EML4: variants seen among roughly 807,000 people sequenced by gnomAD.
The protein encoded by EML4 is EMAP like 4.
A neutral mutation model predicts 129.0 loss-of-function variants in EML4; 72 were observed. The observed-to-expected ratio is 0.56, with a 90% CI of 0.46 to 0.68. EML4 has a LOEUF of 0.68. EML4 is among the 30% of genes least tolerant of loss of function. The pLI, the probability that EML4 is intolerant of heterozygous loss-of-function variation, is 0.00. For synonymous variants in EML4, 532 were observed against 405.0 expected (o/e 1.31, Z -3.77); for missense variants, 1,363 against 1,190.6 (o/e 1.14, Z -2.13).
At chr2:42,303,561 G>T (rs553796328) in intron 16 of EML4, 115 bp downstream of exon 16, 125 of 1,152,124 alleles carry the variant, frequency 1.1e-4, no homozygotes, top group Admixed American at 2.8e-4. Flanking sequence ...GTAAACATAT[G>T]GTTTAGTAAT....
intron 6 of EML4, among the ~76,000 whole-genome samples, chr2:42,277,010 C>T (rs545623655): frequency 1.3e-5 from 2 of 152,234 alleles, no homozygotes; most frequent in South Asian, 4.1e-4. Flanking sequence ...ACTTGATACC[C>T]AATATGGTGT....
At chr2:42,223,212 C>A (rs1673731275) in intron 1 of EML4, among the ~76,000 whole-genome samples, 1 of 152,124 alleles carries the variant, frequency 6.6e-6, no homozygotes, top group South Asian at 2.1e-4. Context: ...CCCTCTCTCC[C>A]TGCTACATAC....
At chr2:42,182,447 C>A (rs1671003687) in intron 1 of EML4, among the ~76,000 whole-genome samples, 1 of 151,996 alleles carries the variant, frequency 6.6e-6, no homozygotes, top group Admixed American at 6.6e-5. Flanking sequence ...TTCTCATCCA[C>A]CTGGTTGTTG....
At chr2:42,325,970 C>CA (rs1344258516) in intron 20 of EML4, 184 bp from the exon 21 acceptor site, 2 of 475,006 alleles carry the variant, frequency 4.2e-6, no homozygotes, top group African/African-American at 4.2e-5. Context: ...CCATGGGAAA[C>CA]AGTTTGTAGT....
At chr2:42,221,403 C>CT (rs74816568) in intron 1 of EML4, among the ~76,000 whole-genome samples, 1,363 of 108,106 alleles carry the variant, frequency 0.013, 50 homozygotes, top group African/African-American at 0.028. Flanking sequence ...ACATGGTTTA[C>CT]TTTTTTTTTT....
Position 42,303,437 on chromosome 2 carries a change from G to C in EML4, c.1890G>C (p.Arg630Ser). Residue 630 changes from arginine to serine, a missense_variant, in exon 16 of 23, where the codon AGG (arginine) becomes AGC (serine). Arg to Ser is a moderately radical substitution (Grantham distance 110, BLOSUM62 -1). Coordinates refer to ENST00000318522, the MANE Select transcript of EML4 (RefSeq NM_019063.5). ...NSMEHRLEWT[R>S]LVDEPGHCAD... ...TGGAACACAGGCTGGAATGGACCAG[G>C]CTGGTAGATGTGAGTGAAGCAGGAT... The C allele has an allele frequency of 6.2e-7, 1 of 1,613,726 alleles. No individual in the cohort carries two copies.
At chr2:42,292,996 C>A (rs76975178) in intron 11 of EML4, among the ~76,000 whole-genome samples, 5,347 of 152,224 alleles carry the variant, frequency 0.035, 134 homozygotes, top group Middle Eastern at 0.075. Flanking sequence ...AAAGACTGTT[C>A]AGTCAATCTT....
intron 1 of EML4, among the ~76,000 whole-genome samples, chr2:42,220,801 C>G (rs191727056): frequency 8.5e-5 from 13 of 152,240 alleles, no homozygotes; most frequent in Middle Eastern, 3.4e-3. Context: ...CTCCAGTGAA[C>G]ATATGAATGA....
intron 6 of EML4, among the ~76,000 whole-genome samples, chr2:42,279,576 G>C (rs1000073840): frequency 3.3e-5 from 5 of 151,912 alleles, no homozygotes; most frequent in African/African-American, 1.2e-4. Context: ...TCCTGCCTCA[G>C]CCTCCCAAGT....
chr2:42,203,038 T>TAAG (rs80006157), intron 1 of EML4, among the ~76,000 whole-genome samples: 11 of 151,906 alleles, frequency 7.2e-5, no homozygotes, highest in South Asian at 4.1e-4. Context: ...CTAATAATAA[T>TAAG]AAGAAGAAGA....
At chr2:42,275,654 C>G (rs745951202) in intron 6 of EML4, among the ~76,000 whole-genome samples, 19 of 152,148 alleles carry the variant, frequency 1.2e-4, no homozygotes, top group South Asian at 4.1e-4. Flanking sequence ...GTTGTTTGAA[C>G]ATAAGTTAGT....
chr2:42,218,557 A>G (rs564752771), intron 1 of EML4, among the ~76,000 whole-genome samples: 42 of 152,172 alleles, frequency 2.8e-4, no homozygotes, highest in African/African-American at 8.4e-4. Context: ...GAGAATTACT[A>G]CTTGGATCTC....
At chr2:42,237,392 C>T (rs530256281) in intron 1 of EML4, among the ~76,000 whole-genome samples, 3 of 152,052 alleles carry the variant, frequency 2.0e-5, no homozygotes, top group Non-Finnish European at 4.4e-5. Context: ...CTTTTTTGGA[C>T]CTTCCTGTTT....
chr2:42,222,066 C>G lies in EML4; in HGVS notation c.26-23439C>G, dbSNP rs562304487. On this transcript the variant is annotated intron_variant, in intron 1 of 22. Coordinates refer to ENST00000318522, the MANE Select transcript of EML4 (RefSeq NM_019063.5). ...TCTTCTTCTCTCCTTAGTCTTCTCTCTCTGTAGCCATGGAGAAGTTGAGTC... is the reference window on the plus strand; with the variant it reads ...TCTTCTTCTCTCCTTAGTCTTCTCTGTCTGTAGCCATGGAGAAGTTGAGTC... Among the ~76,000 whole-genome samples, 5 of 152,200 alleles carry G rather than the reference C, an allele frequency of 3.3e-5. No individual in the cohort carries two copies. In the East Asian group the frequency reaches 7.7e-4, roughly 24 times the overall value.
In EML4 at chr2:42,256,585, C is replaced by G. The variant is rs1160584001; in HGVS notation, c.293C>G (p.Ala98Gly). 3 of 1,613,836 alleles carry G rather than the reference C, an allele frequency of 1.9e-6. No individual in the cohort carries two copies. Among genetic ancestry groups the G allele is most frequent in the South Asian group, 1.1e-5 (1 of 91,054 alleles). The part of the protein sequence containing the change: ...GANRKPSHTS[A>G]VSIAGKETLS... ...AACAGAAAACCAAGTCATACCAGTG[C>G]TGTCTCAATTGCAGGAAAAGAAACT... The change falls in exon 3 of 23, where the codon GCT (alanine) becomes GGT (glycine). Residue 98 changes from alanine (A) to glycine (G), a missense_variant. By Grantham distance (60) the Ala-to-Gly change is moderately conservative. Coordinates refer to ENST00000318522, the MANE Select transcript of EML4 (RefSeq NM_019063.5).
chr2:42,287,089 A>T (rs1024875648), intron 10 of EML4, among the ~76,000 whole-genome samples: 11 of 152,204 alleles, frequency 7.2e-5, no homozygotes, highest in Non-Finnish European at 1.3e-4. Flanking sequence ...TGTAGATTTT[A>T]TGTGACCTCA....
chr2:42,205,014 A>G (rs1025124247), intron 1 of EML4, among the ~76,000 whole-genome samples: 2 of 152,186 alleles, frequency 1.3e-5, no homozygotes, highest in African/African-American at 4.8e-5. Context: ...TTTGCAATAC[A>G]TTGCCATTTT....
At chr2:42,306,267 T>G (rs1181318891) in intron 17 of EML4, among the ~76,000 whole-genome samples, 1 of 152,076 alleles carries the variant, frequency 6.6e-6, no homozygotes, top group Non-Finnish European at 1.5e-5. Flanking sequence ...AACTGTAGGA[T>G]TTGGAGGAAA....
At chr2:42,217,874 G>C (rs1037703231) in intron 1 of EML4, among the ~76,000 whole-genome samples, 2 of 152,144 alleles carry the variant, frequency 1.3e-5, no homozygotes. Flanking sequence ...AGAAGACATG[G>C]GGAATTTGAT....
Sources: gnomAD v4.1 joint callset for allele counts (sites outside exome capture counted in the v4.1 genomes callset) on GRCh38, gnomAD v4.1.1 for gene constraint, MANE v1.5 for transcripts, NCBI Gene and HGNC (gene_info 2026-07-23, HGNC 2026-07-21) for gene names.